SCN1A: variants seen among roughly 807,000 people sequenced by gnomAD.
The protein encoded by SCN1A is sodium voltage-gated channel alpha subunit 1.
SCN1A carries 13 observed loss-of-function variants against 193.7 expected under a neutral mutation model. The observed-to-expected ratio is 0.07, with a 90% confidence interval of 0.04 to 0.11. The LOEUF is 0.11. Ranked by LOEUF, SCN1A falls within the 10% of genes least tolerant of loss-of-function variation. The pLI is 1.00. For synonymous variants in SCN1A, 781 were observed against 843.6 expected (o/e 0.93, Z 1.29); for missense variants, 1,432 against 2,451.1 (o/e 0.58, Z 8.78).
chr2:166,013,168 C>T (rs1692768110), intron 21 of SCN1A, among the ~76,000 whole-genome samples: 1 of 151,250 alleles, frequency 6.6e-6, no homozygotes, highest in Non-Finnish European at 1.5e-5. Flanking sequence ...TAAATTGATT[C>T]TGATGAAGTG....
intron 25 of SCN1A, chr2:165,999,071 T>C (rs1181092815): frequency 6.6e-6 from 1 of 151,326 alleles, no homozygotes; most frequent in African/African-American, 2.4e-5. Flanking sequence ...AGAGCAAAGT[T>C]GGAATGAGCA....
At chr2:166,056,231 G>A (rs528961476) in intron 6 of SCN1A, among the ~76,000 whole-genome samples, 180 bp downstream of exon 6, 33 of 152,194 alleles carry the variant, frequency 2.2e-4, no homozygotes, top group African/African-American at 7.7e-4. Context: ...GCAAAAGAGA[G>A]TGATAATCAG....
At chr2:166,048,182 A>G (rs138041987) in intron 10 of SCN1A, among the ~76,000 whole-genome samples, 1 of 152,180 alleles carries the variant, frequency 6.6e-6, no homozygotes, top group Non-Finnish European at 1.5e-5. Context: ...GGTGTTTAAT[A>G]GATATTTTTC....
At chr2:166,079,146 T>A (rs1685250511) in intron 2 of SCN1A, among the ~76,000 whole-genome samples, 1 of 151,654 alleles carries the variant, frequency 6.6e-6, no homozygotes, top group African/African-American at 2.4e-5. Flanking sequence ...TATGTAGACC[T>A]TCTATGTCTG....
intron 12 of SCN1A, among the ~76,000 whole-genome samples, chr2:166,045,759 T>C (rs1286932076): frequency 2.0e-5 from 3 of 152,182 alleles, no homozygotes; most frequent in Non-Finnish European, 4.4e-5. Flanking sequence ...TGAGGTCCTT[T>C]CTCTAGTTAT....
At chr2:165,995,363 A>T (rs1475633232) in intron 27 of SCN1A, among the ~76,000 whole-genome samples, 3 of 151,822 alleles carry the variant, frequency 2.0e-5, no homozygotes, top group African/African-American at 7.2e-5. Flanking sequence ...AAAAATATTT[A>T]TAGTGTGGGA....
chr2:166,093,170 A>G (rs1687002909), intron 2 of SCN1A, among the ~76,000 whole-genome samples: 1 of 151,894 alleles, frequency 6.6e-6, no homozygotes, highest in Non-Finnish European at 1.5e-5. Context: ...GGCCATGACC[A>G]AGCAGAGGAT....
At chr2:166,146,972 A>G (rs1054671341) in intron 1 of SCN1A, among the ~76,000 whole-genome samples, 1 of 152,226 alleles carries the variant, frequency 6.6e-6, no homozygotes, top group Non-Finnish European at 1.5e-5. Context: ...AGTAAAAACC[A>G]TTTTTATAAT....
rs1256770089 is a variant in SCN1A at position 166,143,342 on chromosome 2, A to G, written c.-50+5705T>C. Among the ~76,000 whole-genome samples, 7 of 151,780 alleles carry G rather than the reference A, an allele frequency of 4.6e-5. No homozygotes were observed. The East Asian group carries it at 1.4e-3, about 30-fold the overall frequency. On this transcript the variant is annotated intron_variant, in intron 1 of 26. Transcript: ENST00000635750. ...CCACCACGCCCGGCTAATTTTTTGT[A>G]TTTTTAATAGAGACGGGGTTTCACT... is the stretch of plus-strand genomic sequence containing the variant.
At chr2:166,050,273 C>T (rs1020944597) in intron 9 of SCN1A, among the ~76,000 whole-genome samples, 15 of 151,638 alleles carry the variant, frequency 9.9e-5, no homozygotes, top group African/African-American at 2.7e-4. Flanking sequence ...TAATAGTTAC[C>T]TTTAATTTTA....
intron 17 of SCN1A, among the ~76,000 whole-genome samples, chr2:166,038,371 T>TC (rs112541326): frequency 3.7e-4 from 56 of 151,080 alleles, no homozygotes; most frequent in African/African-American, 5.8e-4. Flanking sequence ...TTTTTTTTTT[T>TC]CTTTTGTCAC....
chr2:166,049,091 C>G, intron 9 of SCN1A, 142 bp from the exon 10 acceptor site: 1 of 650,106 alleles, frequency 1.5e-6, no homozygotes, highest in South Asian at 1.8e-5. Flanking sequence ...GTATTTGTCT[C>G]TTCTCCCTCT....
At chr2:166,032,715 T>A (rs1345676281) in intron 19 of SCN1A, among the ~76,000 whole-genome samples, 1 of 152,142 alleles carries the variant, frequency 6.6e-6, no homozygotes, top group African/African-American at 2.4e-5. Context: ...CAGTATTTAA[T>A]TACAAAATTT....
intron 2 of SCN1A, among the ~76,000 whole-genome samples, chr2:166,100,112 A>T (rs1249059967): frequency 7.3e-6 from 1 of 136,658 alleles, no homozygotes; most frequent in Non-Finnish European, 1.6e-5. Context: ...ACTTCAAACT[A>T]TACTACAAGG....
In SCN1A at chr2:165,990,028, C is replaced by G. The variant is rs977980880; in HGVS notation, c.*1217G>C. 1.3e-5 allele frequency: 2 copies of G among 152,550 alleles called. No homozygotes were observed. Among genetic ancestry groups the G allele is most frequent in the Non-Finnish European group, 2.9e-5 (2 of 68,030 alleles). 9.4% of individuals were successfully genotyped at this position (152,550 alleles called of 1,614,324 possible). Reference sequence around the variant, plus strand: ...ACAATTTCCTTGACTTTACCACTGACATATGGTTTCTCATAAATGAGATTC... The same window carrying G: ...ACAATTTCCTTGACTTTACCACTGAGATATGGTTTCTCATAAATGAGATTC... On this transcript the variant is annotated 3_prime_UTR_variant, in exon 29 of 29. Transcript: ENST00000674923.
intron 2 of SCN1A, among the ~76,000 whole-genome samples, chr2:166,088,596 A>G (rs1218325680): frequency 6.6e-6 from 1 of 152,170 alleles, no homozygotes; most frequent in Non-Finnish European, 1.5e-5. Context: ...TTTAAATACT[A>G]TTATTACAGT....
At position 165,992,410 on chromosome 2, in the gene SCN1A, G is replaced by T; in HGVS notation, c.4865C>A (p.Ala1622Asp). ...CACGAAATACTTTTCTATCAGCTCGGCAAGAAACATACCTATGAATAAACA... is the reference window on the plus strand; with the variant it reads ...CACGAAATACTTTTCTATCAGCTCGTCAAGAAACATACCTATGAATAAACA... Reference protein sequence around the residue: ...VILSIVGMFLAELIEKYFVSP... With the variant: ...VILSIVGMFLDELIEKYFVSP... The change falls in exon 29 of 29, where the codon GCC becomes GAC. Residue 1622 changes from alanine to aspartate, a missense_variant. Physicochemically the swap from Ala to Asp is moderately radical, Grantham distance 126. This residue lies in a region of SCN1A where 85 missense variants were observed against 213.2 expected (regional missense o/e 0.40). Transcript: ENST00000674923. This position sits in a 1 kb window ranked among gnomAD's most constrained non-coding sequence, Gnocchi z 6.5. 6 of 1,613,424 alleles carry T rather than the reference G, an allele frequency of 3.7e-6. No homozygotes were observed. The highest frequency in any genetic ancestry group is 5.1e-6 in the Non-Finnish European group (6 of 1,179,648).
Position 166,010,145 on chromosome 2 carries a change from GA to G in SCN1A, c.3880-305del, listed in dbSNP as rs146427393. Among the ~76,000 whole-genome samples the G allele has an allele frequency of 0.046, 6,950 of 150,654 alleles. 561 individuals carry two copies. Among genetic ancestry groups the G allele is most frequent in the African/African-American group, 0.16 (6,489 of 41,254 alleles). The stretch of plus-strand genomic sequence containing the variant: ...TAAAATAAAAGAAGAAATCAAGGTG[GA>G]AAAAAATTCATTGGCTATTCTTCCT... On this transcript the variant is annotated intron_variant, in intron 22 of 28. Transcript: ENST00000674923.
chr2:166,117,286 T>A (rs554343546), intron 2 of SCN1A, among the ~76,000 whole-genome samples: 10 of 152,214 alleles, frequency 6.6e-5, no homozygotes, highest in Non-Finnish European at 1.2e-4. Flanking sequence ...CCAGCATTAT[T>A]GTTGATATAC....
Sources: allele counts gnomAD v4.1 joint callset (sites outside exome capture counted in the v4.1 genomes callset), GRCh38; gene constraint gnomAD v4.1.1; regional missense constraint gnomAD v4.1.1; non-coding constraint Gnocchi (gnomAD v3.1); transcripts MANE v1.5; gene names NCBI Gene and HGNC (gene_info 2026-07-23, HGNC 2026-07-21).